The following OR51B5 variants were observed in gnomAD, a reference collection of about 807,000 sequenced individuals.
The protein encoded by OR51B5 is olfactory receptor family 51 subfamily B member 5.
For synonymous variants in OR51B5, 186 were observed against 144.8 expected (o/e 1.28, Z -2.04); for missense variants, 456 against 374.6 (o/e 1.22, Z -1.79).
At chr11:5,343,120 A>C in exon 1 of OR51B5, 1 of 1,613,462 alleles carries the variant, frequency 6.2e-7, no homozygotes, top group Non-Finnish European at 8.5e-7. Flanking sequence ...CTCGAGTATT[A>C]GTAAGTACAG....
intron 1 of OR51B5, among the ~76,000 whole-genome samples, chr11:5,498,032 C>A (rs1053546905): frequency 6.6e-6 from 1 of 152,214 alleles, no homozygotes; most frequent in Non-Finnish European, 1.5e-5. Flanking sequence ...TCCACTCCCA[C>A]CTGCCCATTA....
chr11:5,505,300 T>G lies in OR51B5; in HGVS notation n.84+269A>C, dbSNP rs558464500. ...ATCTGGACTTCCAAGGATGGAAATT[T>G]GGGGTTCAATGTATATCTTCCCCAG... On this transcript the variant is annotated intron_variant and non_coding_transcript_variant, in intron 1 of 4. Coordinates refer to the OR51B5 transcript ENST00000415970. 61 of 1,297,618 alleles carry G rather than the reference T, an allele frequency of 4.7e-5. No homozygotes were observed. The African/African-American group carries it at 8.7e-4, about 18-fold the overall frequency. The allele number at this position is 1,297,618 out of a possible 1,614,324, so 80.4% of individuals were successfully genotyped here.
intron 1 of OR51B5, among the ~76,000 whole-genome samples, chr11:5,398,680 A>C (rs1028680791): frequency 6.7e-6 from 1 of 149,456 alleles, no homozygotes; most frequent in African/African-American, 2.5e-5. Context: ...GGATCATGGG[A>C]GCAGTTTCCC....
intron 1 of OR51B5, among the ~76,000 whole-genome samples, chr11:5,405,772 T>G (rs904993901): frequency 6.6e-6 from 1 of 152,222 alleles, no homozygotes; most frequent in African/African-American, 2.4e-5. Context: ...GTTAATGGTG[T>G]GAGTCTGCCT....
At chr11:5,431,766 G>A (rs890076381) in intron 1 of OR51B5, among the ~76,000 whole-genome samples, 19 of 152,196 alleles carry the variant, frequency 1.2e-4, no homozygotes, top group African/African-American at 4.6e-4. Flanking sequence ...CTGAATAAAA[G>A]TATAACAGAC....
At chr11:5,479,510 A>G (rs1251600771) in intron 1 of OR51B5, among the ~76,000 whole-genome samples, 2 of 149,634 alleles carry the variant, frequency 1.3e-5, no homozygotes, top group Non-Finnish European at 3.0e-5. Flanking sequence ...CACACATAAC[A>G]ATATTAACTT....
At chr11:5,354,177 C>G (rs1444456805) in intron 1 of OR51B5, among the ~76,000 whole-genome samples, 1 of 151,550 alleles carries the variant, frequency 6.6e-6, no homozygotes, top group Admixed American at 6.6e-5. Context: ...TGTTACTGCT[C>G]TCTGTATTGT....
At chr11:5,370,887 C>G (rs1031775447) in intron 1 of OR51B5, among the ~76,000 whole-genome samples, 7 of 152,072 alleles carry the variant, frequency 4.6e-5, no homozygotes, top group African/African-American at 1.4e-4. Context: ...CAGCTGTGAC[C>G]TGAGAGTTGT....
At chr11:5,460,804 T>G (rs1050092848) in intron 1 of OR51B5, among the ~76,000 whole-genome samples, 2 of 152,208 alleles carry the variant, frequency 1.3e-5, no homozygotes, top group Non-Finnish European at 1.5e-5. Context: ...ATAAGTTTGG[T>G]TTAGTTGATT....
At chr11:5,402,991 C>T (rs769768140) in intron 1 of OR51B5, 19 of 471,428 alleles carry the variant, frequency 4.0e-5, no homozygotes, top group South Asian at 2.9e-4. Flanking sequence ...CATCTACAGC[C>T]CACTGAGCTA....
At chr11:5,445,763 C>A (rs931098158) in intron 1 of OR51B5, among the ~76,000 whole-genome samples, 32 of 151,424 alleles carry the variant, frequency 2.1e-4, no homozygotes, top group African/African-American at 7.8e-4. Context: ...AAGAACTATA[C>A]AATGTATTGA....
chr11:5,416,067 G>C, intron 1 of OR51B5, among the ~76,000 whole-genome samples: 1 of 148,892 alleles, frequency 6.7e-6, no homozygotes, highest in South Asian at 2.2e-4. Context: ...ACATCAAAAA[G>C]CTTATCCACC....
rs1176636001 is a variant in OR51B5 at position 5,349,561 on chromosome 11, A to T, written n.85-2651T>A. Among the ~76,000 whole-genome samples the T allele has an allele frequency of 3.9e-5, 6 of 152,184 alleles. No homozygotes were observed. In the East Asian group the frequency reaches 1.2e-3, roughly 29 times the overall value. ...CTCACATATTTTTACTACCAAAAAA[A>T]TTAAAGTTATTATGTGAGGTGATAG... On this transcript the variant is annotated intron_variant and non_coding_transcript_variant, in intron 1 of 4. Coordinates refer to the OR51B5 transcript ENST00000415970.
chr11:5,384,021 T>C (rs1849648517), intron 1 of OR51B5: 1 of 152,190 alleles, frequency 6.6e-6, no homozygotes, highest in African/African-American at 2.4e-5. Context: ...TGCATAGGTA[T>C]CACAAAAGCA....
At chr11:5,367,738 T>G (rs1849392720) in intron 1 of OR51B5, among the ~76,000 whole-genome samples, 1 of 152,302 alleles carries the variant, frequency 6.6e-6, no homozygotes, top group South Asian at 2.1e-4. Flanking sequence ...AGCTCCTATT[T>G]AAGATGGAGT....
intron 1 of OR51B5, chr11:5,352,091 T>A: frequency 6.2e-7 from 1 of 1,614,156 alleles, no homozygotes; most frequent in South Asian, 1.1e-5. Flanking sequence ...TTCAACCGTC[T>A]CTATCCAGTT....
intron 1 of OR51B5, among the ~76,000 whole-genome samples, chr11:5,370,313 G>A (rs1480966251): frequency 6.6e-6 from 1 of 152,114 alleles, no homozygotes; most frequent in African/African-American, 2.4e-5. Flanking sequence ...GACTGTCCAG[G>A]ATTGGAAATG....
chr11:5,390,197 A>C, intron 1 of OR51B5: 1 of 1,614,026 alleles, frequency 6.2e-7, no homozygotes, highest in Non-Finnish European at 8.5e-7. Flanking sequence ...CTTTGTGCCC[A>C]TGATGGGGCT....
chr11:5,455,721 T>C (rs1305102443), intron 1 of OR51B5: 1 of 152,164 alleles, frequency 6.6e-6, no homozygotes, highest in African/African-American at 2.4e-5. Context: ...CTAGAGGTTT[T>C]TTCTCTTTGT....
Sources: gnomAD v4.1 joint callset for allele counts (sites outside exome capture counted in the v4.1 genomes callset) on GRCh38, gnomAD v4.1.1 for gene constraint, MANE v1.5 for transcripts, NCBI Gene and HGNC (gene_info 2026-07-23, HGNC 2026-07-21) for gene names.